EYA1: variants seen among roughly 807,000 people sequenced by gnomAD.
The protein encoded by EYA1 is EYA transcriptional coactivator and phosphatase 1.
EYA1 carries 16 observed loss-of-function variants against 82.0 expected under a neutral mutation model. The observed-to-expected ratio is 0.20, with a 90% CI of 0.13 to 0.30. The LOEUF (loss-of-function observed/expected upper bound fraction) is 0.30. Ranked by LOEUF, EYA1 falls within the 10% of genes least tolerant of loss-of-function variation. The probability of loss-of-function intolerance (pLI) is 1.00; values close to 1 mark genes in which losing one functional copy is unlikely to be tolerated. For missense variants in EYA1, 633 were observed against 730.7 expected (o/e 0.87, Z 1.54); for synonymous variants, 261 against 264.4 (o/e 0.99, Z 0.12).
At chr8:71,382,799 T>C (rs1256871932) in intron 2 of EYA1, among the ~76,000 whole-genome samples, 2 of 152,124 alleles carry the variant, frequency 1.3e-5, no homozygotes. Flanking sequence ...TAAGTCATAG[T>C]ATAACAGCTC....
At chr8:71,382,682 A>C (rs1828772681) in intron 2 of EYA1, among the ~76,000 whole-genome samples, 1 of 152,130 alleles carries the variant, frequency 6.6e-6, no homozygotes, top group Non-Finnish European at 1.5e-5. Flanking sequence ...TTGCACAAAG[A>C]AAACAAAATT....
chr8:71,503,633 A>C (rs1343695972), intron 2 of EYA1, among the ~76,000 whole-genome samples: 1 of 152,232 alleles, frequency 6.6e-6, no homozygotes, highest in African/African-American at 2.4e-5. Flanking sequence ...ACTCATACAT[A>C]TTAGCTATGG....
intron 2 of EYA1, among the ~76,000 whole-genome samples, chr8:71,466,010 GC>G (rs1808745318): frequency 6.6e-6 from 1 of 152,130 alleles, no homozygotes; most frequent in South Asian, 2.1e-4. Context: ...AAAACATTCT[GC>G]CCTAGATGGG....
intron 17 of EYA1, among the ~76,000 whole-genome samples, chr8:71,202,547 G>C (rs897884451): frequency 1.3e-5 from 2 of 152,130 alleles, no homozygotes; most frequent in Non-Finnish European, 2.9e-5. Context: ...ACCCAGAAAC[G>C]AGGTCAAAGG....
chr8:71,438,045 A>G (rs1311339555), intron 2 of EYA1, among the ~76,000 whole-genome samples: 1 of 152,168 alleles, frequency 6.6e-6, no homozygotes, highest in Non-Finnish European at 1.5e-5. Context: ...GAAGAGTTCC[A>G]GAAACCACTG....
At chr8:71,263,245 C>T (rs1815358474) in intron 11 of EYA1, among the ~76,000 whole-genome samples, 1 of 152,196 alleles carries the variant, frequency 6.6e-6, no homozygotes, top group Admixed American at 6.5e-5. Context: ...AGGTGTGTGC[C>T]TGTCTCAGCC....
At chr8:71,535,957 G>A (rs746871540) in intron 1 of EYA1, 34 of 411,260 alleles carry the variant, frequency 8.3e-5, no homozygotes, top group Non-Finnish European at 1.4e-4. Flanking sequence ...CACAAGTCAA[G>A]AACACTTACC....
chr8:71,256,914 G>A (rs1395148467), intron 11 of EYA1, among the ~76,000 whole-genome samples: 2 of 151,802 alleles, frequency 1.3e-5, no homozygotes, highest in Non-Finnish European at 2.9e-5. Flanking sequence ...TAGGAGAATC[G>A]CCTGAACCCG....
chr8:71,332,264 C>A (rs1823964915), intron 4 of EYA1, among the ~76,000 whole-genome samples: 1 of 152,134 alleles, frequency 6.6e-6, no homozygotes, highest in Admixed American at 6.5e-5. Context: ...CTAGCTTTAA[C>A]TCCCTGTATA....
At chr8:71,356,544 T>C in intron 1 of EYA1, 33 bp from the exon 2 acceptor site, 2 of 1,552,274 alleles carry the variant, frequency 1.3e-6, no homozygotes, top group Non-Finnish European at 1.7e-6. Context: ...TAGAAGATGT[T>C]GTTACTCTGC....
At chr8:71,443,115 A>C (rs1320800198) in intron 2 of EYA1, among the ~76,000 whole-genome samples, 1 of 152,212 alleles carries the variant, frequency 6.6e-6, no homozygotes, top group Non-Finnish European at 1.5e-5. Flanking sequence ...AGGTATTAAA[A>C]CACAAGTTCG....
At chr8:71,492,839 T>A (rs557293027) in intron 2 of EYA1, among the ~76,000 whole-genome samples, 40 of 152,356 alleles carry the variant, frequency 2.6e-4, no homozygotes, top group South Asian at 1.4e-3. Flanking sequence ...AGGAGTGTGC[T>A]ATGCAGATTA....
At chr8:71,352,568 A>C (rs1243298739) in intron 3 of EYA1, among the ~76,000 whole-genome samples, 2 of 152,194 alleles carry the variant, frequency 1.3e-5, no homozygotes, top group African/African-American at 4.8e-5. Context: ...GGGTGAGATG[A>C]GTAATTGTGT....
intron 3 of EYA1, among the ~76,000 whole-genome samples, chr8:71,346,060 C>T (rs1321201562): frequency 1.3e-5 from 2 of 151,898 alleles, no homozygotes; most frequent in South Asian, 2.1e-4. Flanking sequence ...TTCGGAATGT[C>T]TTCGTCACAG....
intron 3 of EYA1, among the ~76,000 whole-genome samples, chr8:71,352,291 T>G (rs1206434314): frequency 6.6e-6 from 1 of 152,178 alleles, no homozygotes; most frequent in African/African-American, 2.4e-5. Flanking sequence ...AATAGATATA[T>G]TATGAGACAT....
At chr8:71,289,732 A>G (rs555304964) in intron 9 of EYA1, among the ~76,000 whole-genome samples, 1 of 152,336 alleles carries the variant, frequency 6.6e-6, no homozygotes, top group East Asian at 1.9e-4. Flanking sequence ...TATCTAAGTT[A>G]ATGAATGAAC....
At chr8:71,545,518 A>G (rs929290496) in intron 1 of EYA1, among the ~76,000 whole-genome samples, 2 of 147,038 alleles carry the variant, frequency 1.4e-5, no homozygotes, top group African/African-American at 5.0e-5. Flanking sequence ...AGGCTAAATA[A>G]CTCCACTATT....
At chr8:71,512,312 C>T (rs1272684374) in intron 2 of EYA1, among the ~76,000 whole-genome samples, 2 of 150,964 alleles carry the variant, frequency 1.3e-5, no homozygotes, top group East Asian at 1.9e-4. Context: ...GTCACAGAGC[C>T]GTTATGCAAG....
intron 1 of EYA1, 127 bp from the exon 2 acceptor site, chr8:71,356,638 C>T (rs1372311737): frequency 5.7e-6 from 8 of 1,397,044 alleles, no homozygotes; most frequent in Admixed American, 3.0e-5. Flanking sequence ...AAGGAGGATA[C>T]TGCAGCAGTG....
Sources: gnomAD v4.1 joint callset for allele counts (sites outside exome capture counted in the v4.1 genomes callset) on GRCh38, gnomAD v4.1.1 for gene constraint, MANE v1.5 for transcripts, NCBI Gene and HGNC (gene_info 2026-07-23, HGNC 2026-07-21) for gene names.